The following TRPS1 variants were observed in gnomAD, a reference collection of about 807,000 sequenced individuals.
TRPS1 encodes zinc finger transcription factor Trps1.
TRPS1 carries 6 observed loss-of-function variants against 101.2 expected under a neutral mutation model. That is an observed-to-expected ratio of 0.06 (90% confidence interval 0.03 to 0.12). TRPS1 has a LOEUF of 0.12. TRPS1 is among the 10% of genes least tolerant of loss of function. The pLI, the probability that TRPS1 is intolerant of heterozygous loss-of-function variation, is 1.00. For missense variants in TRPS1, 1,363 were observed against 1,567.0 expected (o/e 0.87, Z 2.20); for synonymous variants, 578 against 589.8 (o/e 0.98, Z 0.29).
At position 115,619,511 on chromosome 8, in the gene TRPS1, G is replaced by A. The variant is rs1013920791; in HGVS notation, c.587C>T (p.Ala196Val). The A allele has an allele frequency of 2.2e-5, 35 of 1,614,112 alleles. No individual in the cohort carries two copies. The highest frequency in any genetic ancestry group is 2.9e-5 in the Non-Finnish European group (34 of 1,180,020). ...TGAAGGCACTTGTGGGTTTTTTGAG[G>A]CCACTGAAACTGGGCTCAAACCTTG... ...NCQGLSPVSV[A>V]SKNPQVPSDG... The change falls in exon 3 of 7, where the codon GCC becomes GTC. Residue 196 changes from alanine to valine, a missense_variant. Coordinates refer to ENST00000395715, the MANE Select transcript of TRPS1 (RefSeq NM_014112.5).
intron 2 of TRPS1, 42 bp from the exon 3 acceptor site, chr8:115,620,102 A>C: frequency 1.9e-6 from 3 of 1,586,684 alleles, no homozygotes; most frequent in Non-Finnish European, 2.6e-6. Context: ...TGTTATCTGA[A>C]AGTTACAGAG....
chr8:115,517,434 GTTA>G (rs755256106), intron 5 of TRPS1, among the ~76,000 whole-genome samples: 13 of 151,394 alleles, frequency 8.6e-5, no homozygotes, highest in Non-Finnish European at 1.9e-4. Context: ...TTATACAACA[GTTA>G]TTATTAAAAT....
At chr8:115,522,994 C>T (rs1010448792) in intron 5 of TRPS1, among the ~76,000 whole-genome samples, 3 of 152,050 alleles carry the variant, frequency 2.0e-5, no homozygotes, top group African/African-American at 4.8e-5. Flanking sequence ...TTCTGATTAA[C>T]AATTAGCCAA....
In TRPS1 at chr8:115,640,336, A is replaced by G. The variant is rs536799887; in HGVS notation, c.-121-16578T>C. Among the ~76,000 whole-genome samples the G allele has an allele frequency of 1.8e-4, 28 of 152,336 alleles. 1 individual carries two copies. The highest frequency in any genetic ancestry group is 1.5e-3 in the Admixed American group (23 of 15,302). ...GATAAAACAATCTCCTCTGAATTTG[A>G]TAATGATTATCTTTTCTTTCATGAT... is the stretch of plus-strand genomic sequence containing the variant. On this transcript the variant is annotated intron_variant, in intron 1 of 6. Transcript: ENST00000395715.
chr8:115,497,629 A>G (rs1195931616), intron 5 of TRPS1, among the ~76,000 whole-genome samples: 1 of 152,224 alleles, frequency 6.6e-6, no homozygotes. Flanking sequence ...GAAAGGGATA[A>G]TTCTACCAGT....
At chr8:115,574,387 A>T (rs1205137960) in intron 5 of TRPS1, among the ~76,000 whole-genome samples, 1 of 152,176 alleles carries the variant, frequency 6.6e-6, no homozygotes, top group Non-Finnish European at 1.5e-5. Context: ...ACGCATTCCA[A>T]TCCCACAAAC....
intron 1 of TRPS1, among the ~76,000 whole-genome samples, chr8:115,625,399 C>T (rs1381851236): frequency 2.0e-5 from 3 of 151,762 alleles, no homozygotes; most frequent in Non-Finnish European, 2.9e-5. Flanking sequence ...ACAATAGTTC[C>T]GGTTAATAGC....
intron 5 of TRPS1, among the ~76,000 whole-genome samples, chr8:115,473,132 G>T (rs1358417927): frequency 6.6e-6 from 1 of 152,074 alleles, no homozygotes. Context: ...CCAATTTACT[G>T]TATTAGTCCA....
rs1383438463 is a variant in TRPS1 at position 115,476,104 on chromosome 8, C to T, written c.2701-57652G>A. Among the ~76,000 whole-genome samples the T allele has an allele frequency of 4.5e-4, 10 of 22,306 alleles. 1 individual carries two copies. Among genetic ancestry groups the T allele is most frequent in the African/African-American group, 2.8e-3 (3 of 1,090 alleles). The allele number at this position is 22,306 out of a possible 152,430, so 14.6% of individuals were successfully genotyped here. The stretch of plus-strand genomic sequence containing the variant: ...CGGGATCTCGGCTCACTGCAAGCTC[C>T]GCCTCCCGGGTTCACGCCATTCTCC... On this transcript the variant is annotated intron_variant, in intron 5 of 6. Transcript: ENST00000395715.
Position 115,428,852 on chromosome 8 carries a change from G to C in TRPS1, c.2701-10400C>G, listed in dbSNP as rs185998609. The stretch of plus-strand genomic sequence containing the variant: ...TGTCCTCAGGACGGGTAAAATCATA[G>C]GTATTTACGGACACCTTTCCAATGA... On this transcript the variant is annotated intron_variant, in intron 5 of 6. Coordinates refer to ENST00000395715, the MANE Select transcript of TRPS1 (RefSeq NM_014112.5). 2.0e-4 allele frequency among the ~76,000 whole-genome samples: 31 copies of C among 152,108 alleles called. No individual in the cohort carries two copies. In the East Asian group the frequency reaches 4.3e-3, roughly 21 times the overall value.
At chr8:115,516,033 A>G (rs1406278074) in intron 5 of TRPS1, among the ~76,000 whole-genome samples, 1 of 151,508 alleles carries the variant, frequency 6.6e-6, no homozygotes, top group Non-Finnish European at 1.5e-5. Flanking sequence ...ATACTAGAGC[A>G]TTACATGAGC....
At chr8:115,617,260 C>T (rs968992043) in intron 3 of TRPS1, among the ~76,000 whole-genome samples, 1 of 152,272 alleles carries the variant, frequency 6.6e-6, no homozygotes, top group East Asian at 1.9e-4. Context: ...TTGTCTTCCT[C>T]GGTGTGTGCT....
At chr8:115,659,179 A>T (rs1811740326) in intron 1 of TRPS1, among the ~76,000 whole-genome samples, 1 of 152,024 alleles carries the variant, frequency 6.6e-6, no homozygotes, top group African/African-American at 2.4e-5. Flanking sequence ...AAGGAGAAAC[A>T]TCTCTTAGTG....
chr8:115,487,609 A>G (rs1175430678), intron 5 of TRPS1, among the ~76,000 whole-genome samples: 1 of 152,188 alleles, frequency 6.6e-6, no homozygotes, highest in Non-Finnish European at 1.5e-5. Context: ...GTTTGTAAGA[A>G]GTTGATTCCA....
At chr8:115,647,868 T>A (rs4876610) in intron 1 of TRPS1, among the ~76,000 whole-genome samples, 9,290 of 152,126 alleles carry the variant, frequency 0.061, 385 homozygotes, top group South Asian at 0.11. Context: ...CATTTTAAAT[T>A]TTTTTGTATT....
At chr8:115,498,414 T>TCA (rs1815216087) in intron 5 of TRPS1, among the ~76,000 whole-genome samples, 1 of 66,568 alleles carries the variant, frequency 1.5e-5, no homozygotes, top group Non-Finnish European at 2.5e-5. Context: ...TCTCTCTCTC[T>TCA]CTATATATAT....
At position 115,418,806 on chromosome 8, in the gene TRPS1, G is replaced by A. The variant is rs1812984303; in HGVS notation, c.2701-354C>T. ...TCAAAAAGACAGAACATGGCAATAT[G>A]TTTAATACACTTTGGAAAGGAGGAG... On this transcript the variant is annotated intron_variant, in intron 5 of 6. Transcript: ENST00000395715. This position sits in a 1 kb window ranked among gnomAD's most constrained non-coding sequence, Gnocchi z 4.3. 6.6e-6 allele frequency among the ~76,000 whole-genome samples: 1 copy of A among 152,152 alleles called. No individual in the cohort carries two copies.
chr8:115,415,171 G>GAA (rs1479021327), intron 6 of TRPS1, 87 bp from the exon 7 acceptor site: 1 of 1,376,838 alleles, frequency 7.3e-7, no homozygotes, highest in Non-Finnish European at 9.8e-7. Flanking sequence ...TATAAACCAT[G>GAA]CTTAAGTTCA....
intron 5 of TRPS1, among the ~76,000 whole-genome samples, chr8:115,447,616 G>A (rs1358420178): frequency 6.6e-6 from 1 of 151,932 alleles, no homozygotes; most frequent in East Asian, 1.9e-4. Context: ...TTTCTTTTTG[G>A]AGGAAAAAAC....
Sources: allele counts gnomAD v4.1 joint callset (sites outside exome capture counted in the v4.1 genomes callset), GRCh38; gene constraint gnomAD v4.1.1; non-coding constraint Gnocchi (gnomAD v3.1); transcripts MANE v1.5; gene names NCBI Gene and HGNC (gene_info 2026-07-23, HGNC 2026-07-21).